PZP: variants seen among roughly 807,000 people sequenced by gnomAD.
PZP encodes PZP alpha-2-macroglobulin like.
PZP carries 150 observed loss-of-function variants against 179.8 expected under a neutral mutation model. That is an observed-to-expected ratio of 0.83 (90% CI 0.73 to 0.96). The LOEUF (loss-of-function observed/expected upper bound fraction) is 0.96. PZP is among the 40% of genes least tolerant of loss of function. The probability of loss-of-function intolerance (pLI) is 0.00; values close to 1 mark genes in which losing one functional copy is unlikely to be tolerated. For synonymous variants in PZP, 624 were observed against 652.3 expected, an observed-to-expected ratio of 0.96 and a Z score of 0.66; for missense variants, 1,689 against 1,764.0, an observed-to-expected ratio of 0.96 and a Z score of 0.76.
chr12:9,158,892 C>A (rs1030183087), intron 25 of PZP, among the ~76,000 whole-genome samples: 1 of 151,570 alleles, frequency 6.6e-6, no homozygotes, highest in African/African-American at 2.4e-5. Context: ...AAGTCATTTG[C>A]TTTTACACTG....
At chr12:9,183,313 G>A (rs1942892788) in intron 13 of PZP, among the ~76,000 whole-genome samples, 1 of 152,168 alleles carries the variant, frequency 6.6e-6, no homozygotes, top group South Asian at 2.1e-4. Context: ...GTAAGTAGGT[G>A]AGATGATGGC....
chr12:9,140,467 C>T, the PZP span, among the ~76,000 whole-genome samples: 6 of 152,254 alleles, frequency 3.9e-5, no homozygotes, highest in East Asian at 3.9e-4. Context: ...GAAAGGGCCA[C>T]GTGTTATTTT....
At position 9,160,276 on chromosome 12, in the gene PZP, T is replaced by C. The variant is rs145100162; in HGVS notation, c.3049+38A>G. The C allele has an allele frequency of 5.6e-3, 8,766 of 1,556,848 alleles. 93 individuals are homozygous for C. The highest frequency in any genetic ancestry group is 0.03 in the South Asian group (2,503 of 84,814). On this transcript the variant is annotated intron_variant, in intron 24 of 35. Transcript: ENST00000261336. The stretch of plus-strand genomic sequence containing the variant: ...TGAAGCTTAATTGGGAAAAGTTTCA[T>C]TAGAGTAACAAAGTAAATTTTTCTC...
At chr12:9,180,131 T>A (rs1395454007) in intron 15 of PZP, among the ~76,000 whole-genome samples, 1 of 152,150 alleles carries the variant, frequency 6.6e-6, no homozygotes, top group Non-Finnish European at 1.5e-5. Flanking sequence ...GGCTTATTTA[T>A]TTATTTATTT....
At chr12:9,193,337 A>G in intron 11 of PZP, among the ~76,000 whole-genome samples, 1 of 152,128 alleles carries the variant, frequency 6.6e-6, no homozygotes, top group East Asian at 1.9e-4. Context: ...TTTATTAGGC[A>G]TATTTTGTGG....
At chr12:9,154,873 C>T (rs951413074) in intron 28 of PZP, 34 bp from the exon 29 acceptor site, 1 of 1,558,988 alleles carries the variant, frequency 6.4e-7, no homozygotes, top group Admixed American at 1.7e-5. Flanking sequence ...AATTGTAACT[C>T]ATCAATAAGT....
At chr12:9,148,769 A>C, downstream of PZP, 1 of 511,800 alleles carries the variant, frequency 2.0e-6, no homozygotes, top group Non-Finnish European at 3.4e-6. Flanking sequence ...CACCAAAATT[A>C]AACAGAAAGA....
intron 15 of PZP, among the ~76,000 whole-genome samples, chr12:9,180,306 G>A (rs1180471832): frequency 1.3e-5 from 2 of 151,994 alleles, no homozygotes; most frequent in Non-Finnish European, 1.5e-5. Flanking sequence ...CTACTTTAAA[G>A]TTCATATGGA....
intron 17 of PZP, 49 bp downstream of exon 17, chr12:9,168,820 G>A (rs1941774723): frequency 7.2e-7 from 1 of 1,396,046 alleles, no homozygotes; most frequent in South Asian, 1.2e-5. Flanking sequence ...TTTGGGCATA[G>A]TAATATTGTT....
intron 32 of PZP, 24 bp downstream of exon 32, chr12:9,152,196 C>T (rs564431082): frequency 1.4e-6 from 2 of 1,480,394 alleles, no homozygotes; most frequent in East Asian, 4.5e-5. Context: ...TGTATGAAGT[C>T]TATTAGGATT....
At position 9,180,967 on chromosome 12, in the gene PZP, G is replaced by A. The variant is rs754409890; in HGVS notation, c.1839+16C>T. The A allele has an allele frequency of 3.7e-6, 6 of 1,608,510 alleles. No homozygotes were observed. The highest frequency in any genetic ancestry group is 2.2e-5 in the East Asian group (1 of 44,660). On this transcript the variant is annotated intron_variant, in intron 15 of 35. Coordinates refer to ENST00000261336, the MANE Select transcript of PZP (RefSeq NM_002864.3). ...GGAATGGCCCTTCCTGGTCCCCAAG[G>A]CCACTGGAAACTCACTGAGGACACA...
At chr12:9,162,694 T>G (rs1412316152) in intron 21 of PZP, 46 bp from the exon 22 acceptor site, 39 of 1,435,562 alleles carry the variant, frequency 2.7e-5, no homozygotes, top group African/African-American at 4.3e-5. Flanking sequence ...AACATCCTGG[T>G]GACAAGAGAA....
chr12:9,182,173 A>C, intron 13 of PZP, 56 bp from the exon 14 acceptor site: 1 of 1,541,088 alleles, frequency 6.5e-7, no homozygotes, highest in Non-Finnish European at 8.8e-7. Context: ...AAAGGTCATA[A>C]AAATAGTGTC....
intron 15 of PZP, among the ~76,000 whole-genome samples, chr12:9,177,313 G>C (rs921879768): frequency 2.6e-5 from 4 of 152,180 alleles, no homozygotes; most frequent in Non-Finnish European, 5.9e-5. Context: ...CCTCTGTGTG[G>C]TGAGGAACTG....
At position 9,163,991 on chromosome 12, in the gene PZP, T is replaced by A. The variant is rs894846306; in HGVS notation, c.2614+142A>T. ...CTTGGGTGAGAACAGTGGGAGGAGG[T>A]CATAGTGGATAGAAATAGGAAAAAA... On this transcript the variant is annotated intron_variant, in intron 20 of 35. Coordinates refer to ENST00000261336, the MANE Select transcript of PZP (RefSeq NM_002864.3). The A allele has an allele frequency of 3.2e-6, 4 of 1,248,324 alleles. No individual in the cohort carries two copies. The East Asian group carries it at 7.3e-5, about 23-fold the overall frequency. 77.3% of individuals were successfully genotyped at this position (1,248,324 alleles called of 1,614,324 possible).
chr12:9,184,312 A>G (rs1201385588), intron 13 of PZP, among the ~76,000 whole-genome samples: 1 of 152,094 alleles, frequency 6.6e-6, no homozygotes, highest in East Asian at 1.9e-4. Flanking sequence ...TAGGCACAAA[A>G]CACACAAACC....
chr12:9,204,095 G>C lies in PZP; in HGVS notation c.84-144C>G, dbSNP rs1944328158. ...AATGGACTAAGTCAATGGAGGTTCT[G>C]TCACAGATCAGCACAAAAATTTTAT... On this transcript the variant is annotated intron_variant, in intron 1 of 35. Transcript: ENST00000261336. 4 of 862,792 alleles carry C rather than the reference G, an allele frequency of 4.6e-6. No individual in the cohort carries two copies. In the African/African-American group the frequency reaches 6.9e-5, roughly 15 times the overall value. The allele number at this position is 862,792 out of a possible 1,614,324, so 53.4% of individuals were successfully genotyped here. A position where few individuals can be genotyped will look rare whatever the true frequency, so the allele number is the denominator to read the frequency against.
At chr12:9,140,297 A>C in the PZP span, among the ~76,000 whole-genome samples, 1 of 152,160 alleles carries the variant, frequency 6.6e-6, no homozygotes, top group Non-Finnish European at 1.5e-5. Context: ...GACCCATGCT[A>C]TGGTTTTTTT....
chr12:9,202,345 C>A lies in PZP; in HGVS notation c.454G>T (p.Glu152Ter), dbSNP rs771427951. The A allele has an allele frequency of 8.7e-6, 14 of 1,614,136 alleles. No homozygotes were observed. The highest frequency in any genetic ancestry group is 1.1e-5 in the Non-Finnish European group (13 of 1,179,996). ...TVRFRVVSVD[E>*]NFRPRNELIP... ...AGTTCATTTCGAGGGCGAAAATTTT[C>A]ATCCACGGAGACAACACGGAATCTT... Residue 152 changes from glutamate (E) to a stop codon, truncating the protein, a stop_gained, in exon 4 of 36, where the codon GAA becomes TAA. Coordinates refer to ENST00000261336, the MANE Select transcript of PZP (RefSeq NM_002864.3). LOFTEE classifies it high-confidence loss of function.
Sources: gnomAD v4.1 joint callset for allele counts (sites outside exome capture counted in the v4.1 genomes callset) on GRCh38, gnomAD v4.1.1 for gene constraint, MANE v1.5 for transcripts, NCBI Gene and HGNC (gene_info 2026-07-23, HGNC 2026-07-21) for gene names.